Variants in CTNNBL1 observed in about 807,000 individuals in gnomAD.
The protein encoded by CTNNBL1 is catenin beta like 1.
CTNNBL1 carries 31 observed loss-of-function variants against 72.7 expected under a neutral mutation model. The ratio of observed to expected loss-of-function variants is 0.43; its 90% CI spans 0.32 to 0.58. The LOEUF (loss-of-function observed/expected upper bound fraction) is 0.58. Among genes scored for constraint, CTNNBL1 ranks in the 20% least tolerant of loss-of-function variants. CTNNBL1 has a pLI of 0.08. For missense variants in CTNNBL1, 534 were observed against 725.1 expected, an observed-to-expected ratio of 0.74 and a Z score of 3.03; for synonymous variants, 240 against 267.3, an observed-to-expected ratio of 0.90 and a Z score of 1.00.
intron 10 of CTNNBL1, among the ~76,000 whole-genome samples, chr20:37,796,059 T>C (rs569868894): frequency 5.3e-5 from 8 of 152,340 alleles, no homozygotes; most frequent in African/African-American, 1.9e-4. Context: ...AATGCCTCGC[T>C]ACTGAAGCAC....
intron 1 of CTNNBL1, among the ~76,000 whole-genome samples, chr20:37,706,392 T>C (rs1427321702): frequency 1.3e-5 from 2 of 152,274 alleles, no homozygotes; most frequent in Non-Finnish European, 2.9e-5. Context: ...ATTTATCATC[T>C]AAGTTCATGT....
intron 11 of CTNNBL1, among the ~76,000 whole-genome samples, chr20:37,835,014 T>C (rs927338495): frequency 6.6e-6 from 1 of 152,236 alleles, no homozygotes; most frequent in Non-Finnish European, 1.5e-5. Flanking sequence ...AGGGAACCTA[T>C]TTGCAACATA....
intron 13 of CTNNBL1, among the ~76,000 whole-genome samples, chr20:37,859,481 G>T (rs1292177883): frequency 2.0e-5 from 3 of 152,034 alleles, no homozygotes; most frequent in African/African-American, 4.8e-5. Context: ...TCATCATAAA[G>T]TCGATCCATG....
chr20:37,708,003 G>A (rs183527886), intron 1 of CTNNBL1, among the ~76,000 whole-genome samples: 4 of 152,246 alleles, frequency 2.6e-5, no homozygotes, highest in Admixed American at 6.5e-5. Flanking sequence ...CATTAAGTTC[G>A]CTGTCTCACG....
intron 13 of CTNNBL1, among the ~76,000 whole-genome samples, chr20:37,850,141 G>A (rs995306001): frequency 1.1e-4 from 17 of 151,918 alleles, no homozygotes; most frequent in African/African-American, 4.1e-4. Flanking sequence ...TATCACAGAA[G>A]TACTGATTCT....
chr20:37,853,984 A>G (rs1366164570), intron 13 of CTNNBL1, among the ~76,000 whole-genome samples: 2 of 152,238 alleles, frequency 1.3e-5, no homozygotes, highest in Admixed American at 6.5e-5. Context: ...TCTCTGTTTC[A>G]TCTCTGTGCA....
intron 8 of CTNNBL1, 49 bp from the exon 9 acceptor site, chr20:37,777,605 C>G: frequency 6.4e-7 from 1 of 1,570,826 alleles, no homozygotes; most frequent in Non-Finnish European, 8.8e-7. Context: ...GCTGTAAAAT[C>G]TGACAGTTAG....
At chr20:37,799,999 G>A (rs1341003778) in intron 10 of CTNNBL1, among the ~76,000 whole-genome samples, 1 of 152,138 alleles carries the variant, frequency 6.6e-6, no homozygotes, top group African/African-American at 2.4e-5. Flanking sequence ...TCCACTATTG[G>A]GACCCAGTCC....
chr20:37,789,754 C>G (rs1285335812), intron 10 of CTNNBL1, among the ~76,000 whole-genome samples: 1 of 152,186 alleles, frequency 6.6e-6, no homozygotes, highest in Non-Finnish European at 1.5e-5. Context: ...ACAGTATGTC[C>G]TTGTATCAGA....
intron 4 of CTNNBL1, among the ~76,000 whole-genome samples, chr20:37,756,080 C>G (rs1017802207): frequency 6.6e-6 from 1 of 152,162 alleles, no homozygotes; most frequent in South Asian, 2.1e-4. Flanking sequence ...TTTCTAGTCT[C>G]CCTGTCCTCA....
intron 15 of CTNNBL1, among the ~76,000 whole-genome samples, chr20:37,864,999 A>T (rs1249698425): frequency 2.0e-5 from 3 of 152,158 alleles, no homozygotes; most frequent in Non-Finnish European, 2.9e-5. Context: ...TAGTGGGGGT[A>T]CCTGGGTCTC....
chr20:37,694,891 C>T (rs1163692158), intron 1 of CTNNBL1: 1 of 152,318 alleles, frequency 6.6e-6, no homozygotes, highest in Non-Finnish European at 1.5e-5. Flanking sequence ...GTACTGACTT[C>T]CACCCCAAAG....
intron 4 of CTNNBL1, 101 bp from the exon 5 acceptor site, chr20:37,757,458 A>G (rs966610393): frequency 5.5e-6 from 4 of 723,384 alleles, no homozygotes; most frequent in African/African-American, 3.5e-5. Context: ...TTAAAGGTAG[A>G]TGGTGATAAA....
chr20:37,843,503 A>G (rs1343694041), intron 13 of CTNNBL1, among the ~76,000 whole-genome samples: 1 of 152,180 alleles, frequency 6.6e-6, no homozygotes, highest in Non-Finnish European at 1.5e-5. Flanking sequence ...TGACCTTGTT[A>G]TCTGTCCTGT....
At chr20:37,726,754 G>A (rs1428243541) in intron 1 of CTNNBL1, among the ~76,000 whole-genome samples, 2 of 152,030 alleles carry the variant, frequency 1.3e-5, no homozygotes, top group South Asian at 2.1e-4. Flanking sequence ...TACCTTTTAC[G>A]AATTATCCCC....
At chr20:37,854,255 T>G (rs879772792) in intron 13 of CTNNBL1, among the ~76,000 whole-genome samples, 3 of 152,036 alleles carry the variant, frequency 2.0e-5, no homozygotes, top group Non-Finnish European at 4.4e-5. Flanking sequence ...TAAAAGAAGA[T>G]CAGATGATGG....
intron 11 of CTNNBL1, among the ~76,000 whole-genome samples, chr20:37,804,910 G>C (rs550363279): frequency 2.8e-4 from 43 of 152,324 alleles, no homozygotes; most frequent in Non-Finnish European, 4.7e-4. Flanking sequence ...GCAATGGCTT[G>C]GTAAGACGTC....
At chr20:37,709,536 C>T (rs2072919531) in intron 1 of CTNNBL1, among the ~76,000 whole-genome samples, 1 of 152,170 alleles carries the variant, frequency 6.6e-6, no homozygotes, top group Non-Finnish European at 1.5e-5. Context: ...TATCTTTTAG[C>T]AGACGCTCTC....
chr20:37,791,887 T>C (rs750894827), intron 10 of CTNNBL1, among the ~76,000 whole-genome samples: 13 of 152,208 alleles, frequency 8.5e-5, no homozygotes, highest in Non-Finnish European at 1.9e-4. Flanking sequence ...GCCAAAACGG[T>C]TGGGGAACAC....
Sources: gnomAD v4.1 joint callset for allele counts (sites outside exome capture counted in the v4.1 genomes callset) on GRCh38, gnomAD v4.1.1 for gene constraint, MANE v1.5 for transcripts, NCBI Gene and HGNC (gene_info 2026-07-23, HGNC 2026-07-21) for gene names.